CALN1: variants seen among roughly 807,000 people sequenced by gnomAD.
CALN1 encodes calneuron 1, also known as calcium-binding protein 8.
Under a neutral mutation model 30.6 loss-of-function variants are expected in CALN1, and 17 were observed. The observed-to-expected ratio is 0.56, with a 90% CI of 0.38 to 0.83. The LOEUF (loss-of-function observed/expected upper bound fraction) is 0.83, where lower values mean the gene tolerates loss of function less well. CALN1 is among the 40% of genes least tolerant of loss of function. The pLI is 0.00. For missense variants in CALN1, 291 were observed against 354.9 expected (o/e 0.82, Z 1.45); for synonymous variants, 156 against 131.4 (o/e 1.19, Z -1.28).
At chr7:72,449,823 C>T (rs1438135304), upstream of CALN1, among the ~76,000 whole-genome samples, 2 of 126,134 alleles carry the variant, frequency 1.6e-5, no homozygotes, top group Non-Finnish European at 3.2e-5. Flanking sequence ...TGCAGTGAGC[C>T]AAGATTGCAC....
At chr7:72,397,320 G>C (rs963207653) in intron 2 of CALN1, among the ~76,000 whole-genome samples, 1 of 152,168 alleles carries the variant, frequency 6.6e-6, no homozygotes, top group Admixed American at 6.5e-5. Flanking sequence ...TAAGCACCCA[G>C]AGGGTCCACA....
At chr7:72,499,839 T>TCCC in the CALN1 span, among the ~76,000 whole-genome samples, 1 of 24,450 alleles carries the variant, frequency 4.1e-5, no homozygotes, top group Admixed American at 4.7e-4. Flanking sequence ...CTTTCTTTCT[T>TCCC]TCTTTCTTTC....
Position 72,305,002 on chromosome 7 carries a change from A to G in CALN1, c.120-26192T>C, listed in dbSNP as rs574568084. Among the ~76,000 whole-genome samples the G allele has an allele frequency of 3.3e-5, 5 of 152,320 alleles. No homozygotes were observed. In the South Asian group the frequency reaches 1.0e-3, roughly 32 times the overall value. ...CCCCAGGAAGCCCTCAGACAGGACC[A>G]AGGCTGCCTGATGGCCACGGCTACA... On this transcript the variant is annotated intron_variant, in intron 2 of 6. Coordinates refer to ENST00000395275, the MANE Select transcript of CALN1 (RefSeq NM_031468.4).
chr7:72,330,069 T>C (rs879665829), intron 2 of CALN1, among the ~76,000 whole-genome samples: 1 of 151,834 alleles, frequency 6.6e-6, no homozygotes, highest in Admixed American at 6.6e-5. Flanking sequence ...GGCAGGCGGA[T>C]CACCTGAGGT....
At chr7:72,486,261 T>G in the CALN1 span, among the ~76,000 whole-genome samples, 2 of 152,224 alleles carry the variant, frequency 1.3e-5, 1 homozygote, top group South Asian at 4.1e-4. Flanking sequence ...AGTCCGTCAT[T>G]GACAGAAAAG....
chr7:72,040,036 A>G lies in CALN1; in HGVS notation c.389-16267T>C, dbSNP rs114484301. On this transcript the variant is annotated intron_variant, in intron 4 of 6. Coordinates refer to ENST00000395275, the MANE Select transcript of CALN1 (RefSeq NM_031468.4). Reference sequence around the variant, plus strand: ...TTTATACTGCAGCAATCACAAGTCAATCTCTACAAATGGCTCTTAGGAAAC... The same window carrying G: ...TTTATACTGCAGCAATCACAAGTCAGTCTCTACAAATGGCTCTTAGGAAAC... Among the ~76,000 whole-genome samples, 725 of 152,232 alleles carry G rather than the reference A, an allele frequency of 4.8e-3. 7 individuals carry two copies. The highest frequency in any genetic ancestry group is 0.016 in the African/African-American group (670 of 41,552).
intron 2 of CALN1, among the ~76,000 whole-genome samples, chr7:72,376,484 T>C (rs1449040811): frequency 6.6e-6 from 1 of 152,228 alleles, no homozygotes; most frequent in African/African-American, 2.4e-5. Context: ...GCATCTTTCA[T>C]GTGCTTACTG....
At chr7:71,887,389 G>A (rs566365443) in intron 5 of CALN1, among the ~76,000 whole-genome samples, 3 of 152,288 alleles carry the variant, frequency 2.0e-5, no homozygotes, top group Non-Finnish European at 4.4e-5. Context: ...TCCACTTCCT[G>A]GGTTCAAGCA....
intron 2 of CALN1, among the ~76,000 whole-genome samples, chr7:72,374,402 G>A (rs1804420911): frequency 1.3e-5 from 2 of 151,654 alleles, no homozygotes; most frequent in African/African-American, 2.4e-5. Context: ...GGTGGAGGGC[G>A]CCTGTAATCT....
chr7:72,358,017 A>G (rs1420047263), intron 2 of CALN1, among the ~76,000 whole-genome samples: 1 of 151,458 alleles, frequency 6.6e-6, no homozygotes, highest in African/African-American at 2.4e-5. Flanking sequence ...TTTAAGAGGC[A>G]GAATCTCACT....
intron 5 of CALN1, among the ~76,000 whole-genome samples, chr7:71,862,086 G>A (rs1791320271): frequency 6.6e-6 from 1 of 152,184 alleles, no homozygotes; most frequent in South Asian, 2.1e-4. Context: ...TGACCCTTTT[G>A]CGCTGGACAG....
chr7:72,298,745 G>A (rs1337585619), intron 2 of CALN1, among the ~76,000 whole-genome samples: 4 of 151,606 alleles, frequency 2.6e-5, no homozygotes, highest in African/African-American at 4.8e-5. Flanking sequence ...TTATGGGGGC[G>A]GGTCTTTCCT....
upstream of CALN1, among the ~76,000 whole-genome samples, chr7:72,452,146 T>C (rs1297544803): frequency 1.3e-5 from 2 of 152,218 alleles, no homozygotes; most frequent in Non-Finnish European, 2.9e-5. Context: ...GTTAGGTAAA[T>C]GTTAATATAT....
chr7:71,852,019 G>A (rs971535851), intron 5 of CALN1, among the ~76,000 whole-genome samples: 1 of 152,182 alleles, frequency 6.6e-6, no homozygotes, highest in Non-Finnish European at 1.5e-5. Context: ...CACACAAGAG[G>A]AGGATCTAAA....
At chr7:71,791,977 C>G (rs556811190) in intron 6 of CALN1, among the ~76,000 whole-genome samples, 2 of 152,064 alleles carry the variant, frequency 1.3e-5, no homozygotes, top group South Asian at 2.1e-4. Flanking sequence ...CGCCACTGCA[C>G]TCCAGTCTGG....
chr7:72,091,753 C>A (rs950133392), intron 4 of CALN1, among the ~76,000 whole-genome samples: 1 of 152,152 alleles, frequency 6.6e-6, no homozygotes, highest in African/African-American at 2.4e-5. Flanking sequence ...GAGGGGATGG[C>A]CACTCAACTC....
chr7:72,348,504 T>TA (rs1802760408), intron 2 of CALN1, among the ~76,000 whole-genome samples: 1 of 152,228 alleles, frequency 6.6e-6, no homozygotes, highest in South Asian at 2.1e-4. Flanking sequence ...TATAACGATT[T>TA]AAGTTCCTAG....
chr7:72,431,623 G>A (rs541145197), intron 1 of CALN1, among the ~76,000 whole-genome samples: 16 of 152,222 alleles, frequency 1.1e-4, no homozygotes, highest in African/African-American at 3.1e-4. Flanking sequence ...AAGATCGTTC[G>A]AGGCCAACAG....
intron 3 of CALN1, among the ~76,000 whole-genome samples, chr7:72,109,574 A>G (rs1254236255): frequency 6.6e-6 from 1 of 152,190 alleles, no homozygotes; most frequent in Admixed American, 6.5e-5. Flanking sequence ...TTTTCCCATC[A>G]ATGAAATATG....
Sources: allele counts gnomAD v4.1 joint callset (sites outside exome capture counted in the v4.1 genomes callset), GRCh38; gene constraint gnomAD v4.1.1; transcripts MANE v1.5; gene names NCBI Gene and HGNC (gene_info 2026-07-23, HGNC 2026-07-21).